Variants in MEGF11 observed in about 807,000 individuals in gnomAD.
MEGF11 encodes multiple epidermal growth factor-like domains protein 11.
Under a neutral mutation model 146.6 loss-of-function variants are expected in MEGF11, and 126 were observed. The observed-to-expected ratio is 0.86, with a 90% CI of 0.74 to 1.00. MEGF11 has a LOEUF of 1.00. MEGF11 is among the 50% of genes least tolerant of loss of function. The probability of loss-of-function intolerance (pLI) is 0.00; values close to 1 mark genes in which losing one functional copy is unlikely to be tolerated. For synonymous variants in MEGF11, 532 were observed against 583.4 expected (o/e 0.91, Z 1.27); for missense variants, 1,509 against 1,521.2 (o/e 0.99, Z 0.13).
intron 10 of MEGF11, among the ~76,000 whole-genome samples, chr15:65,954,032 G>A (rs2080492556): frequency 6.6e-6 from 1 of 152,090 alleles, no homozygotes; most frequent in East Asian, 1.9e-4. Flanking sequence ...CACTGTCATG[G>A]GGGATACTCA....
At chr15:66,126,900 C>T (rs368999757) in intron 2 of MEGF11, among the ~76,000 whole-genome samples, 5 of 152,328 alleles carry the variant, frequency 3.3e-5, no homozygotes, top group Admixed American at 1.3e-4. Flanking sequence ...ATTGAATCAG[C>T]ATCTCCGGGA....
intron 1 of MEGF11, among the ~76,000 whole-genome samples, chr15:66,163,943 G>A (rs747556775): frequency 1.3e-4 from 20 of 152,226 alleles, no homozygotes; most frequent in Admixed American, 8.5e-4. Flanking sequence ...GAATGAGGAA[G>A]AAGCAGGCCT....
chr15:66,212,719 A>G (rs1040600733), intron 1 of MEGF11, among the ~76,000 whole-genome samples: 23 of 147,908 alleles, frequency 1.6e-4, no homozygotes, highest in African/African-American at 5.5e-4. Context: ...CCCATCCCCC[A>G]GAGGCTTGCT....
At chr15:66,251,010 C>A (rs1306572501) in intron 1 of MEGF11, among the ~76,000 whole-genome samples, 1 of 152,176 alleles carries the variant, frequency 6.6e-6, no homozygotes, top group Non-Finnish European at 1.5e-5. Flanking sequence ...CAGAATACTG[C>A]CCATCTGACC....
At chr15:66,079,089 C>T (rs2085721978) in intron 5 of MEGF11, among the ~76,000 whole-genome samples, 1 of 152,080 alleles carries the variant, frequency 6.6e-6, no homozygotes, top group Admixed American at 6.5e-5. Flanking sequence ...GTCTGAGGGG[C>T]AGTGGGCAGT....
intron 4 of MEGF11, among the ~76,000 whole-genome samples, chr15:66,108,477 A>AAAAAC (rs755646963): frequency 6.6e-6 from 1 of 152,250 alleles, no homozygotes; most frequent in South Asian, 2.1e-4. Context: ...GTGCAAAGAA[A>AAAAAC]AAAACAAAAC....
At chr15:66,197,811 G>A (rs910026585) in intron 1 of MEGF11, among the ~76,000 whole-genome samples, 1 of 152,198 alleles carries the variant, frequency 6.6e-6, no homozygotes, top group Non-Finnish European at 1.5e-5. Flanking sequence ...CATCCCAGCA[G>A]GAGTTCAACA....
At chr15:65,933,353 G>C (rs2079646007) in intron 10 of MEGF11, among the ~76,000 whole-genome samples, 1 of 152,234 alleles carries the variant, frequency 6.6e-6, no homozygotes, top group South Asian at 2.1e-4. Context: ...TCTGCTATCA[G>C]AAGGGGTTTC....
chr15:65,943,943 A>G (rs140932421), intron 10 of MEGF11, among the ~76,000 whole-genome samples: 2 of 152,332 alleles, frequency 1.3e-5, no homozygotes, highest in African/African-American at 2.4e-5. Flanking sequence ...GAGTCTGACA[A>G]TAGTGATGGT....
intron 1 of MEGF11, among the ~76,000 whole-genome samples, chr15:66,144,209 C>A (rs537119756): frequency 3.3e-5 from 5 of 152,114 alleles, no homozygotes; most frequent in African/African-American, 1.2e-4. Flanking sequence ...TCCCAGCCAA[C>A]GAGGTGGGAG....
Position 66,151,801 on chromosome 15 carries a change from C to T in MEGF11, c.-8-23390G>A, listed in dbSNP as rs559073893. Among the ~76,000 whole-genome samples the T allele has an allele frequency of 1.6e-4, 24 of 152,290 alleles. 1 individual carries two copies. Among genetic ancestry groups the T allele is most frequent in the South Asian group, 1.5e-3 (7 of 4,826 alleles). ...CCAGAAACAAGCTCCCAGCTCCGTT[C>T]GCAGCAAGACAGACCGCTGACCCTG... On this transcript the variant is annotated intron_variant, in intron 1 of 25. Coordinates refer to ENST00000395614, the MANE Select transcript of MEGF11 (RefSeq NM_001385028.1).
intron 10 of MEGF11, among the ~76,000 whole-genome samples, chr15:65,947,391 A>C (rs1328583683): frequency 6.6e-6 from 1 of 152,126 alleles, no homozygotes; most frequent in Non-Finnish European, 1.5e-5. Context: ...CTGCACAATG[A>C]GGGTGCAAAC....
intron 5 of MEGF11, among the ~76,000 whole-genome samples, chr15:66,048,260 T>C (rs931745979): frequency 6.6e-6 from 1 of 152,168 alleles, no homozygotes; most frequent in Non-Finnish European, 1.5e-5. Context: ...GGAGGGTTTG[T>C]TTTACTAACT....
chr15:66,138,840 T>A (rs2089012883), intron 1 of MEGF11, among the ~76,000 whole-genome samples: 1 of 152,182 alleles, frequency 6.6e-6, no homozygotes, highest in Non-Finnish European at 1.5e-5. Flanking sequence ...AGGGAAAATA[T>A]CAGCATGGCT....
chr15:66,190,582 G>C (rs1052782918), intron 1 of MEGF11, among the ~76,000 whole-genome samples: 1 of 152,176 alleles, frequency 6.6e-6, no homozygotes, highest in Non-Finnish European at 1.5e-5. Flanking sequence ...TGGAGGAAGA[G>C]GGTTTGTAGG....
At chr15:66,219,594 AC>A (rs1159600833) in intron 1 of MEGF11, among the ~76,000 whole-genome samples, 1 of 152,166 alleles carries the variant, frequency 6.6e-6, no homozygotes, top group Non-Finnish European at 1.5e-5. Flanking sequence ...AAACTGGATC[AC>A]TCATACATTG....
chr15:65,981,256 A>G (rs2081628731), intron 6 of MEGF11, among the ~76,000 whole-genome samples: 1 of 152,216 alleles, frequency 6.6e-6, no homozygotes, highest in South Asian at 2.1e-4. Context: ...ATGCCAGGCC[A>G]AAGTCATTGC....
intron 21 of MEGF11, 45 bp from the exon 22 acceptor site, chr15:65,909,851 T>A (rs1442397216): frequency 6.7e-7 from 1 of 1,496,422 alleles, no homozygotes; most frequent in Admixed American, 1.9e-5. Flanking sequence ...GTGCCCCAGG[T>A]ACCCCTCCCC....
intron 4 of MEGF11, among the ~76,000 whole-genome samples, chr15:66,098,112 G>C (rs1597080375): frequency 6.6e-6 from 1 of 152,158 alleles, no homozygotes; most frequent in Admixed American, 6.5e-5. Context: ...AGCTTGGCCC[G>C]GGAACAAACG....
Sources: allele counts gnomAD v4.1 joint callset (sites outside exome capture counted in the v4.1 genomes callset), GRCh38; gene constraint gnomAD v4.1.1; transcripts MANE v1.5; gene names NCBI Gene and HGNC (gene_info 2026-07-23, HGNC 2026-07-21).